The following HECTD4 variants were observed in gnomAD, a reference collection of about 807,000 sequenced individuals.
HECTD4 encodes probable E3 ubiquitin-protein ligase HECTD4.
In HECTD4, 114 loss-of-function variants were observed where a neutral mutation model predicts 471.5. The ratio of observed to expected loss-of-function variants is 0.24; its 90% CI spans 0.21 to 0.28. The LOEUF (loss-of-function observed/expected upper bound fraction) is 0.28, where lower values mean the gene tolerates loss of function less well. HECTD4 is among the 10% of genes least tolerant of loss of function. HECTD4 has a pLI of 1.00. For missense variants in HECTD4, 3,866 were observed against 5,651.5 expected, an observed-to-expected ratio of 0.68 and a Z score of 10.13; for synonymous variants, 2,012 against 2,256.0, an observed-to-expected ratio of 0.89 and a Z score of 3.07.
At chr12:112,330,254 G>A (rs1036990026) in intron 1 of HECTD4, among the ~76,000 whole-genome samples, 1 of 150,568 alleles carries the variant, frequency 6.6e-6, no homozygotes, top group African/African-American at 2.4e-5. Flanking sequence ...TCCAGCCTGG[G>A]CAACAGAGTG....
chr12:112,231,794 A>G (rs1165531207), intron 38 of HECTD4, 79 bp from the exon 39 acceptor site: 4 of 1,193,470 alleles, frequency 3.4e-6, no homozygotes, highest in Non-Finnish European at 1.2e-6. Flanking sequence ...TTTCCCCTCA[A>G]TTACCAAAGC....
chr12:112,220,494 C>T (rs1015373406), intron 44 of HECTD4, among the ~76,000 whole-genome samples: 1 of 152,064 alleles, frequency 6.6e-6, no homozygotes, highest in African/African-American at 2.4e-5. Context: ...ATGAAAACAT[C>T]ATTAAGTTAG....
intron 13 of HECTD4, among the ~76,000 whole-genome samples, chr12:112,268,849 T>C (rs1320447579): frequency 6.7e-6 from 1 of 148,862 alleles, no homozygotes; most frequent in African/African-American, 2.5e-5. Context: ...CTATAAATTC[T>C]GCTCTCTTGT....
At chr12:112,301,349 A>G (rs2035161201) in intron 7 of HECTD4, among the ~76,000 whole-genome samples, 1 of 145,238 alleles carries the variant, frequency 6.9e-6, no homozygotes, top group Non-Finnish European at 1.5e-5. Flanking sequence ...ATGCCCAGCT[A>G]ATTTTTGTAT....
chr12:112,375,914 CAAA>C (rs755533332), intron 1 of HECTD4, among the ~76,000 whole-genome samples: 1 of 105,130 alleles, frequency 9.5e-6, no homozygotes, highest in Non-Finnish European at 2.1e-5. Flanking sequence ...ACTAAAAATA[CAAA>C]AAAAAAAAAA....
At chr12:112,371,542 T>G (rs1420949473) in intron 1 of HECTD4, among the ~76,000 whole-genome samples, 3 of 148,908 alleles carry the variant, frequency 2.0e-5, no homozygotes, top group Non-Finnish European at 4.4e-5. Flanking sequence ...GCCATTGCAC[T>G]CCAGCCTGGG....
chr12:112,252,810 ATT>A (rs199504908), intron 22 of HECTD4, among the ~76,000 whole-genome samples: 72 of 140,886 alleles, frequency 5.1e-4, no homozygotes, highest in East Asian at 3.9e-3. Context: ...CTTGAAAATA[ATT>A]TTTTTTTTTT....
chr12:112,279,380 GTAT>G lies in HECTD4; in HGVS notation c.1532_1534del (p.Asn511del). The G allele has an allele frequency of 6.3e-7, 1 of 1,583,042 alleles. No individual in the cohort carries two copies. ...CATTTTTAGAGGCAGCCCACAGCTA[GTAT>G]TTGCTGGAGAAAGGAATGAAAATGC... is the stretch of plus-strand genomic sequence containing the variant. On this transcript the variant is annotated inframe_deletion, in exon 9 of 76. Coordinates refer to ENST00000682272, the MANE Select transcript of HECTD4 (RefSeq NM_001388303.1).
chr12:112,212,744 CTATT>C, intron 48 of HECTD4, 94 bp from the exon 49 acceptor site: 1 of 897,720 alleles, frequency 1.1e-6, no homozygotes, highest in Non-Finnish European at 1.6e-6. Context: ...ACATCACAGA[CTATT>C]TATGCTCTCA....
At chr12:112,191,038 GC>G in intron 59 of HECTD4, 73 bp from the exon 60 acceptor site, 1 of 1,293,406 alleles carries the variant, frequency 7.7e-7, no homozygotes, top group Non-Finnish European at 1.1e-6. Flanking sequence ...AAAAGGTCCT[GC>G]CAGGTGTGCA....
At chr12:112,352,807 A>G (rs1211535291) in intron 1 of HECTD4, among the ~76,000 whole-genome samples, 1 of 151,838 alleles carries the variant, frequency 6.6e-6, no homozygotes, top group Non-Finnish European at 1.5e-5. Context: ...GAGTCTCGCT[A>G]TGTTGCCAGG....
intron 16 of HECTD4, among the ~76,000 whole-genome samples, chr12:112,264,768 T>G (rs1441474965): frequency 2.0e-5 from 3 of 152,168 alleles, no homozygotes; most frequent in African/African-American, 7.2e-5. Flanking sequence ...TCATAAATTA[T>G]TATTATTATT....
At chr12:112,246,042 G>A (rs1405886183) in intron 29 of HECTD4, among the ~76,000 whole-genome samples, 1 of 152,022 alleles carries the variant, frequency 6.6e-6, no homozygotes, top group African/African-American at 2.4e-5. Context: ...TGAGGCAGGA[G>A]AATCGCTTGA....
chr12:112,265,804 G>T, intron 15 of HECTD4, 74 bp downstream of exon 15: 1 of 1,138,038 alleles, frequency 8.8e-7, no homozygotes, highest in Non-Finnish European at 1.3e-6. Context: ...GACTAAAGTT[G>T]ATCAAACACA....
intron 2 of HECTD4, among the ~76,000 whole-genome samples, chr12:112,315,895 T>TAA (rs570049819): frequency 3.0e-4 from 28 of 92,954 alleles, no homozygotes; most frequent in South Asian, 6.9e-4. Flanking sequence ...GACCATGTCT[T>TAA]AAAAAAAAAA....
rs371288014 is a variant in HECTD4 at position 112,236,983 on chromosome 12, C to T, written c.5406G>A (p.Ala1802=). 94 of 1,612,614 alleles carry T rather than the reference C, an allele frequency of 5.8e-5. No individual in the cohort carries two copies. Among genetic ancestry groups the T allele is most frequent in the East Asian group, 1.3e-4 (6 of 44,864 alleles). The change falls in exon 35 of 76, where the codon GCG becomes GCA. Residue 1802 remains alanine (A), a synonymous_variant. Coordinates refer to ENST00000682272, the MANE Select transcript of HECTD4 (RefSeq NM_001388303.1). The part of the protein sequence containing the change: ...CCGNQAAGND[A]LQDVLSLLND... ...TGAGAAGACTAAGGACATCCTGGAG[C>T]GCGTCATTCCCAGCAGCCTGGTTGC...
chr12:112,207,438 G>A (rs1230689868), intron 52 of HECTD4, among the ~76,000 whole-genome samples: 3 of 151,954 alleles, frequency 2.0e-5, no homozygotes, highest in Non-Finnish European at 2.9e-5. Flanking sequence ...CACCATGGCC[G>A]GCCAAAAATA....
intron 1 of HECTD4, among the ~76,000 whole-genome samples, chr12:112,354,836 C>G (rs2036305807): frequency 6.6e-6 from 1 of 152,080 alleles, no homozygotes; most frequent in Non-Finnish European, 1.5e-5. Context: ...AGTTCAATTT[C>G]AAATCATCAT....
intron 32 of HECTD4, among the ~76,000 whole-genome samples, chr12:112,242,836 G>A (rs763550574): frequency 7.2e-5 from 11 of 152,134 alleles, no homozygotes; most frequent in Admixed American, 2.0e-4. Flanking sequence ...ACTTGAACCC[G>A]GGAGGCAGAG....
Sources: gnomAD v4.1 joint callset for allele counts (sites outside exome capture counted in the v4.1 genomes callset) on GRCh38, gnomAD v4.1.1 for gene constraint, MANE v1.5 for transcripts, NCBI Gene and HGNC (gene_info 2026-07-23, HGNC 2026-07-21) for gene names.